CLEC1A: variants seen among roughly 807,000 people sequenced by gnomAD.
CLEC1A encodes the protein C-type lectin domain family 1 member A, also known as C-type lectin-like receptor-1.
Under a neutral mutation model 28.7 loss-of-function variants are expected in CLEC1A, and 34 were observed. The ratio of observed to expected loss-of-function variants is 1.18; its 90% CI spans 0.90 to 1.57. The LOEUF is 1.57. Among genes scored for constraint, CLEC1A ranks in the 40% most tolerant of loss-of-function variants. The pLI, the probability that CLEC1A is intolerant of heterozygous loss-of-function variation, is 0.00. For synonymous variants in CLEC1A, 116 were observed against 121.0 expected (o/e 0.96, Z 0.27); for missense variants, 385 against 339.5 (o/e 1.13, Z -1.05).
chr12:10,090,379 G>A (rs978178980), intron 1 of CLEC1A, among the ~76,000 whole-genome samples: 1 of 152,066 alleles, frequency 6.6e-6, no homozygotes, highest in African/African-American at 2.4e-5. Flanking sequence ...AGCTCCTGAG[G>A]AGCCGGAACT....
At chr12:10,098,558 T>A (rs6488256) in intron 1 of CLEC1A, among the ~76,000 whole-genome samples, 114,815 of 152,008 alleles carry the variant, frequency 0.76, 45,111 homozygotes, top group Non-Finnish European at 0.88. Flanking sequence ...TGAGTCCTTT[T>A]CACTAGAACT....
chr12:10,079,676 G>T (rs1327779397), intron 3 of CLEC1A, among the ~76,000 whole-genome samples: 1 of 151,772 alleles, frequency 6.6e-6, no homozygotes, highest in African/African-American at 2.4e-5. Context: ...ACAAAAATTA[G>T]CCAGATGTGG....
Position 10,081,296 on chromosome 12 carries a change from G to T in CLEC1A, c.332C>A (p.Ala111Glu), listed in dbSNP as rs769949469. Residue 111 changes from alanine (A) to glutamate (E), a missense_variant, in exon 3 of 6, where the codon GCA becomes GAA. Physicochemically the swap from Ala to Glu is moderately radical, Grantham distance 107. Coordinates refer to ENST00000315330, the MANE Select transcript of CLEC1A (RefSeq NM_016511.4). ...QSLQVQNIKL[A>E]GSLQHVAEKL... ...TTCAGCCACATGCTGCAGACTTCCT[G>T]CAAGCTTTATATTCTGGACTTGAAG... 6.2e-7 allele frequency: 1 copy of T among 1,612,668 alleles called. No individual in the cohort carries two copies. Among genetic ancestry groups the T allele is most frequent in the Non-Finnish European group, 8.5e-7 (1 of 1,179,362 alleles).
chr12:10,089,302 G>A, intron 1 of CLEC1A, 80 bp from the exon 2 acceptor site: 1 of 1,142,274 alleles, frequency 8.8e-7, no homozygotes, highest in South Asian at 1.3e-5. Flanking sequence ...AGGGAGTGGA[G>A]TTAATTCTGC....
intron 2 of CLEC1A, among the ~76,000 whole-genome samples, chr12:10,088,520 G>A (rs1236223401): frequency 4.1e-5 from 5 of 123,192 alleles, no homozygotes; most frequent in African/African-American, 1.5e-4. Context: ...AAACATTGCT[G>A]TGGGGTCTTC....
rs1947757421 is a variant in CLEC1A at position 10,094,962 on chromosome 12, CA to C, written c.115+3845del. ...GGGAACTCGCAAAACTAAACTCAAT[CA>C]GTAACTCATTCATTCCTATATTGCT... is the stretch of plus-strand genomic sequence containing the variant. On this transcript the variant is annotated intron_variant, in intron 1 of 5. Coordinates refer to ENST00000315330, the MANE Select transcript of CLEC1A (RefSeq NM_016511.4). Among the ~76,000 whole-genome samples the C allele has an allele frequency of 3.1e-4, 4 of 12,704 alleles. No individual in the cohort carries two copies. In the South Asian group the frequency reaches 3.4e-3, roughly 11 times the overall value. The allele number at this position is 12,704 out of a possible 152,430, so 8.3% of individuals were successfully genotyped here.
intron 1 of CLEC1A, among the ~76,000 whole-genome samples, chr12:10,093,872 A>G (rs1947741613): frequency 6.6e-6 from 1 of 152,028 alleles, no homozygotes; most frequent in African/African-American, 2.4e-5. Context: ...CACATAGGAA[A>G]CTTCCTCATG....
rs1866585514 is a variant in CLEC1A, at chr12:10,090,259, C to G, written c.116-1037G>C. Among the ~76,000 whole-genome samples the G allele has an allele frequency of 2.6e-5, 4 of 152,080 alleles. No individual in the cohort carries two copies. The South Asian group carries it at 8.3e-4, about 32-fold the overall frequency. On this transcript the variant is annotated intron_variant, in intron 1 of 5. Transcript: ENST00000315330. ...AAAATTCTTTTCCTTCTAGCAAGGT[C>G]CTATACATAATACATTCTAGGTACA...
chr12:10,092,191 A>C (rs991764339), intron 1 of CLEC1A, among the ~76,000 whole-genome samples: 15 of 152,170 alleles, frequency 9.9e-5, no homozygotes, highest in Non-Finnish European at 1.9e-4. Flanking sequence ...ACAGTCAACC[A>C]ACTTATTTAT....
intron 2 of CLEC1A, among the ~76,000 whole-genome samples, chr12:10,083,886 A>G (rs1866422069): frequency 6.6e-6 from 1 of 152,340 alleles, no homozygotes; most frequent in African/African-American, 2.4e-5. Context: ...ACACTTAGAG[A>G]AATAGAAAAT....
chr12:10,084,992 A>G (rs1264687744), intron 2 of CLEC1A, among the ~76,000 whole-genome samples: 1 of 152,094 alleles, frequency 6.6e-6, no homozygotes, highest in Admixed American at 6.5e-5. Context: ...TCAGCCAAGA[A>G]TTTTGTATCC....
At chr12:10,084,837 A>T (rs1331738966) in intron 2 of CLEC1A, among the ~76,000 whole-genome samples, 1 of 150,384 alleles carries the variant, frequency 6.6e-6, no homozygotes, top group Non-Finnish European at 1.5e-5. Context: ...AAAAAAAAAA[A>T]AAAAAAGAAA....
chr12:10,071,325 A>AG lies in CLEC1A; in HGVS notation c.*7dup. Reference sequence around the variant, plus strand: ...CTCACTCTGCTATTTGTAGTTGCAGAGGGCGAATCAGTCACCTTCGCCTAA... The same window carrying AG: ...CTCACTCTGCTATTTGTAGTTGCAGAGGGGCGAATCAGTCACCTTCGCCTAA... On this transcript the variant is annotated 3_prime_UTR_variant, in exon 6 of 6. Coordinates refer to ENST00000315330, the MANE Select transcript of CLEC1A (RefSeq NM_016511.4). 6.2e-7 allele frequency: 1 copy of AG among 1,609,976 alleles called. No homozygotes were observed. Among genetic ancestry groups the AG allele is most frequent in the Non-Finnish European group, 8.5e-7 (1 of 1,178,022 alleles).
chr12:10,092,354 T>C (rs1443335372), intron 1 of CLEC1A: 3 of 310,478 alleles, frequency 9.7e-6, no homozygotes, highest in Admixed American at 8.4e-5. Context: ...CTACAAAAGA[T>C]AGCAACATAG....
At chr12:10,075,700 T>C (rs373463567) in intron 3 of CLEC1A, 45 bp from the exon 4 acceptor site, 9 of 1,562,694 alleles carry the variant, frequency 5.8e-6, no homozygotes, top group African/African-American at 5.5e-5. Context: ...CATGAGTCTG[T>C]CTTGCTCCTC....
chr12:10,071,297 TG>T lies in CLEC1A; in HGVS notation c.*35del, dbSNP rs770467406. 2 of 1,597,180 alleles carry T rather than the reference TG, an allele frequency of 1.3e-6. No homozygotes were observed. The highest frequency in any genetic ancestry group is 1.7e-6 in the Non-Finnish European group (2 of 1,170,262). ...AACTAGCCCTTGCTTTGGCACCGCC[TG>T]GCTCACTCTGCTATTTGTAGTTGCA... On this transcript the variant is annotated 3_prime_UTR_variant, in exon 6 of 6. Coordinates refer to ENST00000315330, the MANE Select transcript of CLEC1A (RefSeq NM_016511.4).
chr12:10,090,333 C>T (rs1476507415), intron 1 of CLEC1A, among the ~76,000 whole-genome samples: 1 of 152,176 alleles, frequency 6.6e-6, no homozygotes, highest in Non-Finnish European at 1.5e-5. Context: ...CTCACTGCAA[C>T]CTCCGCCTCC....
chr12:10,094,284 T>C (rs1591923076), intron 1 of CLEC1A, among the ~76,000 whole-genome samples: 1 of 151,986 alleles, frequency 6.6e-6, no homozygotes, highest in East Asian at 1.9e-4. Flanking sequence ...ACACCCCCTA[T>C]AAGGTAGATA....
intron 5 of CLEC1A, among the ~76,000 whole-genome samples, chr12:10,071,804 G>A (rs1382311563): frequency 6.6e-6 from 1 of 152,126 alleles, no homozygotes; most frequent in Non-Finnish European, 1.5e-5. Flanking sequence ...TACCTTCTCT[G>A]TAACTCAGTT....
Sources: gnomAD v4.1 joint callset for allele counts (sites outside exome capture counted in the v4.1 genomes callset) on GRCh38, gnomAD v4.1.1 for gene constraint, MANE v1.5 for transcripts, NCBI Gene and HGNC (gene_info 2026-07-23, HGNC 2026-07-21) for gene names.